The following ZNF836 variants were observed in gnomAD, a reference collection of about 807,000 sequenced individuals.
The protein encoded by ZNF836 is zinc finger protein 836.
In ZNF836, 12 loss-of-function variants were observed where a neutral mutation model predicts 7.4. The ratio of observed to expected loss-of-function variants is 1.61; its 90% CI spans 1.03 to 2.61. The LOEUF is 2.61. Among genes scored for constraint, ZNF836 ranks in the 30% most tolerant of loss-of-function variants. The probability of loss-of-function intolerance (pLI) is 0.00; values close to 1 mark genes in which losing one functional copy is unlikely to be tolerated. For missense variants in ZNF836, 998 were observed against 1,126.2 expected (o/e 0.89, Z 1.63); for synonymous variants, 365 against 382.6 (o/e 0.95, Z 0.54).
intron 2 of ZNF836, 85 bp downstream of exon 2, chr19:52,169,562 TG>T (rs2089292432): frequency 6.6e-6 from 1 of 151,828 alleles, no homozygotes; most frequent in Non-Finnish European, 1.5e-5. Context: ...CTGGGCAACA[TG>T]AGCGAAACTC....
rs1016556097 is a variant in ZNF836 at position 52,155,713 on chromosome 19, C to T, written c.1970G>A (p.Arg657Gln). The change falls in exon 5 of 5, where the codon CGG becomes CAG. Residue 657 changes from arginine (R) to glutamine (Q), a missense_variant. Transcript: ENST00000682614. Reference protein sequence around the residue: ...FSYYSCLARHRKIHTGEKPYK... With the variant: ...FSYYSCLARHQKIHTGEKPYK... ...AGGTTTCTCTCCGGTATGAATTTTC[C>T]GATGACGTGCTAGGCATGAGTAGTA... 24 of 1,613,908 alleles carry T rather than the reference C, an allele frequency of 1.5e-5. No homozygotes were observed. Among genetic ancestry groups the T allele is most frequent in the African/African-American group, 2.7e-5 (2 of 74,864 alleles).
rs1280442915 is a variant in ZNF836, at chr19:52,161,094, TAGAG to T, written c.16-507_16-504del. Reference sequence around the variant, plus strand: ...AATAATAACATAATAGATAGAGAGATAGAGAGATTTGTTCCCATGTTACTAGGAG... The same window carrying T: ...AATAATAACATAATAGATAGAGAGATAGATTTGTTCCCATGTTACTAGGAG... On this transcript the variant is annotated intron_variant, in intron 3 of 4. Coordinates refer to ENST00000682614, the MANE Select transcript of ZNF836 (RefSeq NM_001102657.3). The surrounding 1 kb of genome is among the most constrained non-coding windows in gnomAD (Gnocchi z 4.1). Among the ~76,000 whole-genome samples the T allele has an allele frequency of 6.6e-6, 1 of 152,152 alleles. No homozygotes were observed. Among genetic ancestry groups the T allele is most frequent in the Non-Finnish European group, 1.5e-5 (1 of 68,036 alleles).
chr19:52,167,955 G>T, intron 3 of ZNF836, 103 bp downstream of exon 3: 2 of 839,568 alleles, frequency 2.4e-6, no homozygotes, highest in Non-Finnish European at 2.0e-6. Context: ...GGCAGCAAAC[G>T]TGTCAGGCAG....
chr19:52,164,051 G>GGGA (rs899920428), intron 3 of ZNF836, among the ~76,000 whole-genome samples: 14 of 146,042 alleles, frequency 9.6e-5, no homozygotes, highest in African/African-American at 3.3e-4. Context: ...AAGGAAGGGA[G>GGGA]GGAGGGAGGG....
At chr19:52,160,785 A>T in intron 3 of ZNF836, 194 bp from the exon 4 acceptor site, 1 of 612,726 alleles carries the variant, frequency 1.6e-6, no homozygotes, top group Non-Finnish European at 2.7e-6. Flanking sequence ...ATATCCCGTA[A>T]ATCAGTGTAG....
chr19:52,164,926 A>G (rs1242003513), intron 3 of ZNF836, among the ~76,000 whole-genome samples: 1 of 152,076 alleles, frequency 6.6e-6, no homozygotes, highest in Non-Finnish European at 1.5e-5. Flanking sequence ...CCTCTCTCTG[A>G]AAAATACAAA....
chr19:52,163,736 T>C (rs1397467976), intron 3 of ZNF836, among the ~76,000 whole-genome samples: 1 of 151,932 alleles, frequency 6.6e-6, no homozygotes, highest in Non-Finnish European at 1.5e-5. Flanking sequence ...AAAAAGAAGA[T>C]TGACATAAAC....
chr19:52,168,140 T>C lies in ZNF836; in HGVS notation c.-68A>G, dbSNP rs2089281752. On this transcript the variant is annotated 5_prime_UTR_variant, in exon 3 of 5. Transcript: ENST00000682614. ...TCTCTCAGTCAATATAATTAATTCT[T>C]TACAAGTCAAATCTGAAAGTGAAAA... 2 of 1,576,904 alleles carry C rather than the reference T, an allele frequency of 1.3e-6. No individual in the cohort carries two copies. Among genetic ancestry groups the C allele is most frequent in the African/African-American group, 2.7e-5 (2 of 73,142 alleles).
chr19:52,162,780 C>A (rs971307767), intron 3 of ZNF836, among the ~76,000 whole-genome samples: 1 of 152,144 alleles, frequency 6.6e-6, no homozygotes, highest in East Asian at 1.9e-4. Context: ...TCAAGGAGCC[C>A]GGCGCCAGGG....
intron 1 of ZNF836, 40 bp downstream of exon 1, chr19:52,171,292 CAGAG>C (rs1241222446): frequency 1.3e-5 from 2 of 152,400 alleles, no homozygotes; most frequent in African/African-American, 4.8e-5. Flanking sequence ...GGAACAGCCT[CAGAG>C]AGATTTTTAA....
chr19:52,168,057 C>T lies in ZNF836; in HGVS notation c.15+1G>A, dbSNP rs186893188. The T allele has an allele frequency of 6.2e-7, 1 of 1,604,050 alleles. No homozygotes were observed. The highest frequency in any genetic ancestry group is 8.5e-7 in the Non-Finnish European group (1 of 1,171,688). ...ATGATCCACTAAGAATATCATTTTACCTGTGTAAGAGCCATCCCTGACTCC... is the reference window on the plus strand; with the variant it reads ...ATGATCCACTAAGAATATCATTTTATCTGTGTAAGAGCCATCCCTGACTCC... On this transcript the variant is annotated splice_donor_variant, in intron 3 of 4. Transcript: ENST00000682614. LOFTEE classifies it high-confidence loss of function.
chr19:52,157,588 T>G (rs2089177985), intron 4 of ZNF836, 48 bp from the exon 5 acceptor site: 1 of 1,425,060 alleles, frequency 7.0e-7, no homozygotes, highest in Non-Finnish European at 9.2e-7. Context: ...TTTTTTTTTT[T>G]GAGACAGAGT....
At chr19:52,166,456 CAT>C (rs2089264556) in intron 3 of ZNF836, among the ~76,000 whole-genome samples, 1 of 151,278 alleles carries the variant, frequency 6.6e-6, no homozygotes, top group South Asian at 2.1e-4. Flanking sequence ...AACAAATTAA[CAT>C]ATCCATCATC....
At chr19:52,159,438 T>A (rs866606246) in intron 4 of ZNF836, among the ~76,000 whole-genome samples, 1 of 152,204 alleles carries the variant, frequency 6.6e-6, no homozygotes. Context: ...GGATCAAACA[T>A]GTTTTTAAAT....
rs1481751154 is a variant in ZNF836, at chr19:52,168,098, T to C, written c.-26A>G. 1 of 1,611,850 alleles carries C rather than the reference T, an allele frequency of 6.2e-7. No homozygotes were observed. Among genetic ancestry groups the C allele is most frequent in the Non-Finnish European group, 8.5e-7 (1 of 1,178,968 alleles). The stretch of plus-strand genomic sequence containing the variant: ...CCCTGACTCCTTTTCTTTCCTCTTC[T>C]TCCTCTTCTGGGCTTCTCTCTCAGT... On this transcript the variant is annotated 5_prime_UTR_variant, in exon 3 of 5. Coordinates refer to ENST00000682614, the MANE Select transcript of ZNF836 (RefSeq NM_001102657.3).
At chr19:52,157,914 A>G (rs12609494) in intron 4 of ZNF836, among the ~76,000 whole-genome samples, 15,366 of 152,096 alleles carry the variant, frequency 0.1, 973 homozygotes, top group South Asian at 0.28. Flanking sequence ...TTTTTTTTAA[A>G]TAACTACTAT....
Position 52,157,114 on chromosome 19 carries a change from T to C in ZNF836, c.569A>G (p.Asn190Ser), listed in dbSNP as rs1379846143. The C allele has an allele frequency of 1.2e-6, 2 of 1,613,768 alleles. No homozygotes were observed. Among genetic ancestry groups the C allele is most frequent in the African/African-American group, 2.7e-5 (2 of 74,918 alleles). Residue 190 changes from asparagine to serine, a missense_variant, in exon 5 of 5, where the codon AAC (asparagine) becomes AGC (serine). Coordinates refer to ENST00000682614, the MANE Select transcript of ZNF836 (RefSeq NM_001102657.3). ...CTCATTCTCATATTTTTTAGAAATGTTGGTTTGGACACTAGGAAGAATTCT... is the reference window on the plus strand; with the variant it reads ...CTCATTCTCATATTTTTTAGAAATGCTGGTTTGGACACTAGGAAGAATTCT... ...LQRILPSVQT[N>S]ISKKYENEFL... is the part of the protein sequence containing the mutation.
chr19:52,162,740 A>C (rs2122219763), intron 3 of ZNF836, among the ~76,000 whole-genome samples: 1 of 152,266 alleles, frequency 6.6e-6, no homozygotes, highest in South Asian at 2.1e-4. Context: ...TCCTTCCAAC[A>C]ATAAGCTCTA....
chr19:52,169,599 TC>T (rs1247361598), intron 2 of ZNF836, 48 bp downstream of exon 2: 1 of 149,798 alleles, frequency 6.7e-6, no homozygotes, highest in Admixed American at 6.7e-5. Context: ...AAAAAGCAAA[TC>T]CATTACCAAA....
Sources: gnomAD v4.1 joint callset for allele counts (sites outside exome capture counted in the v4.1 genomes callset) on GRCh38, gnomAD v4.1.1 for gene constraint, Gnocchi (gnomAD v3.1) non-coding constraint, MANE v1.5 for transcripts, NCBI Gene and HGNC (gene_info 2026-07-23, HGNC 2026-07-21) for gene names.